The following ARHGAP15 variants were observed in gnomAD, a reference collection of about 807,000 sequenced individuals.
ARHGAP15 encodes Rho GTPase activating protein 15, also known as rho GTPase-activating protein 15.
In ARHGAP15, 51 loss-of-function variants were observed where a neutral mutation model predicts 63.7. That is an observed-to-expected ratio of 0.80 (90% CI 0.64 to 1.01). The LOEUF (loss-of-function observed/expected upper bound fraction) is 1.01. Ranked by LOEUF, ARHGAP15 falls within the 50% of genes least tolerant of loss-of-function variation. The probability of loss-of-function intolerance (pLI) is 0.00; values close to 1 mark genes in which losing one functional copy is unlikely to be tolerated. For missense variants in ARHGAP15, 560 were observed against 564.6 expected (o/e 0.99, Z 0.08); for synonymous variants, 191 against 193.8 (o/e 0.99, Z 0.12).
intron 10 of ARHGAP15, among the ~76,000 whole-genome samples, chr2:143,542,112 A>C (rs997889924): frequency 5.9e-5 from 9 of 152,170 alleles, no homozygotes; most frequent in African/African-American, 2.2e-4. Flanking sequence ...GCCGCCTTGC[A>C]GTTTGATCTC....
At chr2:143,628,918 GGA>G (rs992705685) in intron 12 of ARHGAP15, among the ~76,000 whole-genome samples, 21 of 152,130 alleles carry the variant, frequency 1.4e-4, no homozygotes, top group African/African-American at 4.6e-4. Context: ...CCCAGTTTGT[GGA>G]GAGTTAACAT....
Position 143,153,843 on chromosome 2 carries a change from T to TTCCTCTTCCTCCTCC in ARHGAP15, c.-14-1629_-14-1628insTTCCTCCTCCTCCTC, listed in dbSNP as rs1558779624. ...CTTCTTCTTCTTCTTCTTCTTCTTC[T>TTCCTCTTCCTCCTCC]TCCTCCTCCTCCTCCTCCTCCTCCT... On this transcript the variant is annotated intron_variant, in intron 1 of 13. Coordinates refer to ENST00000295095, the MANE Select transcript of ARHGAP15 (RefSeq NM_018460.4). Among the ~76,000 whole-genome samples, 476 of 86,864 alleles carry TTCCTCTTCCTCCTCC rather than the reference T, an allele frequency of 5.5e-3. 22 individuals are homozygous for TTCCTCTTCCTCCTCC. The highest frequency in any genetic ancestry group is 0.014 in the East Asian group (34 of 2,384). The allele number at this position is 86,864 out of a possible 152,430, so 57.0% of individuals were successfully genotyped here.
intron 8 of ARHGAP15, among the ~76,000 whole-genome samples, chr2:143,447,539 A>G (rs1409710036): frequency 6.6e-6 from 1 of 152,132 alleles, no homozygotes; most frequent in Non-Finnish European, 1.5e-5. Context: ...GAGTAATCCT[A>G]GCTGACCTAG....
chr2:143,281,590 G>A (rs767436795), intron 6 of ARHGAP15, among the ~76,000 whole-genome samples: 2 of 151,862 alleles, frequency 1.3e-5, no homozygotes, highest in African/African-American at 2.4e-5. Context: ...CGGGAAACGG[G>A]CCTAAGAACC....
At chr2:143,453,560 G>A (rs1690504794) in intron 8 of ARHGAP15, among the ~76,000 whole-genome samples, 1 of 151,878 alleles carries the variant, frequency 6.6e-6, no homozygotes, top group Non-Finnish European at 1.5e-5. Flanking sequence ...ATTTGGTTAA[G>A]AAAATGTTAT....
chr2:143,308,612 G>C (rs76000295), intron 6 of ARHGAP15, among the ~76,000 whole-genome samples: 1 of 152,092 alleles, frequency 6.6e-6, no homozygotes, highest in East Asian at 1.9e-4. Context: ...TTTTAAGCAA[G>C]AATATGATAG....
intron 8 of ARHGAP15, among the ~76,000 whole-genome samples, chr2:143,446,089 T>A (rs145495225): frequency 1.5e-3 from 233 of 150,726 alleles, no homozygotes; most frequent in African/African-American, 5.3e-3. Context: ...TACAGCCATA[T>A]GACTTTGACA....
Position 143,456,140 on chromosome 2 carries a change from T to C in ARHGAP15, c.703+19098T>C, listed in dbSNP as rs561912882. On this transcript the variant is annotated intron_variant, in intron 8 of 13. Coordinates refer to ENST00000295095, the MANE Select transcript of ARHGAP15 (RefSeq NM_018460.4). ...GAACCTACATTTGGCTTATGCAAAA[T>C]TTCCTCAAAGACTGGCAGTGAGGGC... 2.6e-5 allele frequency among the ~76,000 whole-genome samples: 4 copies of C among 152,078 alleles called. No homozygotes were observed. The South Asian group carries it at 6.2e-4, about 24-fold the overall frequency.
chr2:143,389,369 T>C (rs1218034965), intron 6 of ARHGAP15, among the ~76,000 whole-genome samples: 2 of 152,112 alleles, frequency 1.3e-5, no homozygotes, highest in Admixed American at 6.6e-5. Flanking sequence ...TTCTTACAGA[T>C]ACTGAAAGAA....
At chr2:143,665,779 C>A (rs1174225884) in intron 12 of ARHGAP15, among the ~76,000 whole-genome samples, 1 of 151,818 alleles carries the variant, frequency 6.6e-6, no homozygotes, top group African/African-American at 2.4e-5. Context: ...CAATAACAGA[C>A]AAACAGAAAG....
chr2:143,531,832 A>G (rs1694535820), intron 10 of ARHGAP15, among the ~76,000 whole-genome samples: 1 of 152,244 alleles, frequency 6.6e-6, no homozygotes, highest in South Asian at 2.1e-4. Context: ...CATAGTCTGT[A>G]TTCTTAACTC....
At chr2:143,759,564 C>G (rs1300656297) in intron 13 of ARHGAP15, among the ~76,000 whole-genome samples, 4 of 152,102 alleles carry the variant, frequency 2.6e-5, no homozygotes, top group Non-Finnish European at 5.9e-5. Flanking sequence ...AAATAAGTCC[C>G]AGATTTTTAC....
chr2:143,147,357 G>T (rs181257356), intron 1 of ARHGAP15, among the ~76,000 whole-genome samples: 1 of 152,100 alleles, frequency 6.6e-6, no homozygotes, highest in Non-Finnish European at 1.5e-5. Flanking sequence ...ATAGTTGTAC[G>T]CAAGAGGCGG....
intron 4 of ARHGAP15, chr2:143,227,975 G>C (rs887461984): frequency 2.0e-5 from 3 of 152,108 alleles, no homozygotes; most frequent in African/African-American, 7.2e-5. Context: ...GTGTATGAGA[G>C]AATCTATTTC....
intron 13 of ARHGAP15, among the ~76,000 whole-genome samples, chr2:143,719,264 T>C (rs1009503306): frequency 1.3e-5 from 2 of 152,314 alleles, no homozygotes; most frequent in East Asian, 1.9e-4. Flanking sequence ...TTACCTCCCA[T>C]AGAGTTTGTG....
chr2:143,535,441 C>G (rs1413172104), intron 10 of ARHGAP15, among the ~76,000 whole-genome samples: 2 of 152,036 alleles, frequency 1.3e-5, no homozygotes, highest in African/African-American at 2.4e-5. Flanking sequence ...GTGAAATCCT[C>G]CAATAGGATT....
chr2:143,467,531 A>G (rs1406619489), intron 8 of ARHGAP15, among the ~76,000 whole-genome samples: 1 of 152,114 alleles, frequency 6.6e-6, no homozygotes, highest in Non-Finnish European at 1.5e-5. Context: ...AATATAACCA[A>G]TAAGCATTTG....
intron 9 of ARHGAP15, among the ~76,000 whole-genome samples, chr2:143,494,400 G>T (rs1213872213): frequency 1.3e-5 from 2 of 151,970 alleles, no homozygotes; most frequent in Non-Finnish European, 2.9e-5. Flanking sequence ...AACAAAAACT[G>T]TGTTGACCAC....
chr2:143,639,489 A>G (rs1184582372), intron 12 of ARHGAP15, among the ~76,000 whole-genome samples: 2 of 152,108 alleles, frequency 1.3e-5, no homozygotes, highest in African/African-American at 4.8e-5. Flanking sequence ...TGTAACAAAC[A>G]TTTAATTTAT....
Sources: allele counts gnomAD v4.1 joint callset (sites outside exome capture counted in the v4.1 genomes callset), GRCh38; gene constraint gnomAD v4.1.1; transcripts MANE v1.5; gene names NCBI Gene and HGNC (gene_info 2026-07-23, HGNC 2026-07-21).